SLC24A1: variants seen among roughly 807,000 people sequenced by gnomAD.
SLC24A1 encodes the protein sodium/potassium/calcium exchanger 1.
Under a neutral mutation model 88.1 loss-of-function variants are expected in SLC24A1, and 52 were observed. The ratio of observed to expected loss-of-function variants is 0.59; its 90% CI spans 0.47 to 0.74. The LOEUF is 0.74. SLC24A1 is among the 30% of genes least tolerant of loss of function. The pLI is 0.00. For synonymous variants in SLC24A1, 455 were observed against 498.0 expected (o/e 0.91, Z 1.15); for missense variants, 1,173 against 1,363.3 (o/e 0.86, Z 2.20).
At chr15:65,626,021 G>T (rs1160903345) in intron 2 of SLC24A1, 51 bp downstream of exon 2, 12 of 1,377,046 alleles carry the variant, frequency 8.7e-6, no homozygotes, top group Middle Eastern at 2.1e-4. Context: ...ATGAAAGGAT[G>T]TGGCGAAGCC....
At chr15:65,653,637 T>C (rs1393311102) in intron 9 of SLC24A1, among the ~76,000 whole-genome samples, 193 bp from the exon 10 acceptor site, 3 of 152,182 alleles carry the variant, frequency 2.0e-5, no homozygotes, top group Non-Finnish European at 2.9e-5. Flanking sequence ...TAGTTATTAA[T>C]GAGTCCTTGG....
chr15:65,640,522 C>T (rs1166842802), intron 4 of SLC24A1, among the ~76,000 whole-genome samples: 1 of 152,166 alleles, frequency 6.6e-6, no homozygotes, highest in Non-Finnish European at 1.5e-5. Context: ...GGTGCAGAAC[C>T]GGAACCCAGC....
chr15:65,656,655 A>G (rs1249570228), downstream of SLC24A1, among the ~76,000 whole-genome samples: 2 of 152,234 alleles, frequency 1.3e-5, no homozygotes, highest in Non-Finnish European at 2.9e-5. Flanking sequence ...CAGCCTGGAA[A>G]GTCTGAACTG....
rs35398714 is a variant in SLC24A1 at position 65,625,939 on chromosome 15, C to T, written c.1859C>T (p.Ala620Val). The change falls in exon 2 of 10, where the codon GCC (alanine) becomes GTC (valine). Residue 620 changes from alanine (A) to valine (V), a missense_variant. Physicochemically the swap from Ala to Val is moderately conservative, Grantham distance 64. Transcript: ENST00000261892. ...VKEQLSRRPV[A>V]KVMALEDLSK... Reference sequence around the variant, plus strand: ...GAGCAGCTCAGCAGGAGGCCAGTGGCCAAGGTCATGGCCTTAGAAGACCTC... The same window carrying T: ...GAGCAGCTCAGCAGGAGGCCAGTGGTCAAGGTCATGGCCTTAGAAGACCTC... The T allele has an allele frequency of 4.9e-4, 790 of 1,613,894 alleles. 4 individuals are homozygous for T. In the African/African-American group the frequency reaches 9.8e-3, roughly 20 times the overall value.
chr15:65,650,763 G>GA lies in SLC24A1; in HGVS notation c.2615dup (p.Glu873GlyfsTer22). ...AGAGGAGGAGGAAGAGCAGGAGGAA[G>GA]AGGAGGAGGAGGAAGAGCAGGAGGA... On this transcript the variant is annotated frameshift_variant, in exon 7 of 10. Coordinates refer to ENST00000261892, the MANE Select transcript of SLC24A1 (RefSeq NM_004727.3). LOFTEE classifies it high-confidence loss of function. The surrounding 1 kb of genome is among the most constrained non-coding windows in gnomAD (Gnocchi z 4.1). The GA allele has an allele frequency of 6.2e-7, 1 of 1,604,392 alleles. No individual in the cohort carries two copies. Among genetic ancestry groups the GA allele is most frequent in the Non-Finnish European group, 8.5e-7 (1 of 1,174,908 alleles).
Position 65,624,774 on chromosome 15 carries a change from C to A in SLC24A1, c.694C>A (p.Leu232Ile). The A allele has an allele frequency of 6.2e-7, 1 of 1,613,938 alleles. No homozygotes were observed. The highest frequency in any genetic ancestry group is 8.5e-7 in the Non-Finnish European group (1 of 1,179,850). ...TGACATTACAGCAACCTATAAAATACTCGAAACCAACTCTCTTAAGAGAAT... is the reference window on the plus strand; with the variant it reads ...TGACATTACAGCAACCTATAAAATAATCGAAACCAACTCTCTTAAGAGAAT... ...DSDITATYKI[L>I]ETNSLKRIME... Residue 232 changes from leucine (L) to isoleucine (I), a missense_variant, in exon 2 of 10, where the codon CTC (leucine) becomes ATC (isoleucine). Coordinates refer to ENST00000261892, the MANE Select transcript of SLC24A1 (RefSeq NM_004727.3).
intron 4 of SLC24A1, chr15:65,643,892 C>T (rs1032961700): frequency 6.5e-6 from 1 of 154,648 alleles, no homozygotes; most frequent in African/African-American, 2.4e-5. Context: ...TCAGCCGTCC[C>T]CCTGGAGCTA....
Position 65,654,923 on chromosome 15 carries a change from G to A in SLC24A1, c.*844G>A, listed in dbSNP as rs558062537. 11 of 1,104,994 alleles carry A rather than the reference G, an allele frequency of 1.0e-5. No homozygotes were observed. The African/African-American group carries it at 1.0e-4, about 10-fold the overall frequency. The allele number at this position is 1,104,994 out of a possible 1,614,324, so 68.4% of individuals were successfully genotyped here. On this transcript the variant is annotated 3_prime_UTR_variant, in exon 10 of 10. Transcript: ENST00000261892. ...TATACCAGTATTTTCTAGTTTAAAG[G>A]AGGACTACATTAACTCTTATTGTTG... is the stretch of plus-strand genomic sequence containing the variant.
chr15:65,625,473 G>C lies in SLC24A1; in HGVS notation c.1393G>C (p.Val465Leu), dbSNP rs774115812. The C allele has an allele frequency of 1.9e-6, 3 of 1,613,928 alleles. No homozygotes were observed. Among genetic ancestry groups the C allele is most frequent in the African/African-American group, 1.3e-5 (1 of 74,940 alleles). ...VVLHVFGMMY[V>L]FVALAIVCDE... ...CCTGCACGTTTTTGGCATGATGTATGTGTTTGTGGCCTTGGCCATTGTTTG... is the reference window on the plus strand; with the variant it reads ...CCTGCACGTTTTTGGCATGATGTATCTGTTTGTGGCCTTGGCCATTGTTTG... Residue 465 changes from valine to leucine, a missense_variant, in exon 2 of 10, where the codon GTG becomes CTG. Physicochemically the swap from Val to Leu is conservative, Grantham distance 32. Coordinates refer to ENST00000261892, the MANE Select transcript of SLC24A1 (RefSeq NM_004727.3).
Position 65,625,066 on chromosome 15 carries a change from C to T in SLC24A1, c.986C>T (p.Thr329Ile). 6.2e-7 allele frequency: 1 copy of T among 1,613,800 alleles called. No homozygotes were observed. Among genetic ancestry groups the T allele is most frequent in the Non-Finnish European group, 8.5e-7 (1 of 1,179,860 alleles). ...GGGCAGGTGACAATAAGCACCATGA[C>T]AGGCAGCAGCCCAGCAGAAACCAAA... ...SEGQVTISTM[T>I]GSSPAETKAF... Residue 329 changes from threonine to isoleucine, a missense_variant, in exon 2 of 10, where the codon ACA becomes ATA. Thr to Ile is a moderately conservative substitution (Grantham distance 89). Transcript: ENST00000261892.
At chr15:65,637,555 CATTT>C (rs2074983080) in intron 2 of SLC24A1, among the ~76,000 whole-genome samples, 1 of 152,212 alleles carries the variant, frequency 6.6e-6, no homozygotes, top group Non-Finnish European at 1.5e-5. Context: ...AGTTGATTTT[CATTT>C]ATTCATTCAT....
chr15:65,626,039 G>A, intron 2 of SLC24A1, 69 bp downstream of exon 2: 2 of 1,132,934 alleles, frequency 1.8e-6, no homozygotes, highest in Non-Finnish European at 2.7e-6. Context: ...GCCAGGACCT[G>A]AAGAGAAGGT....
intron 2 of SLC24A1, among the ~76,000 whole-genome samples, chr15:65,629,492 A>G (rs897357361): frequency 5.9e-5 from 9 of 152,236 alleles, no homozygotes; most frequent in South Asian, 2.1e-4. Context: ...CCAGTAAGGA[A>G]ATGGTAAATG....
Position 65,650,972 on chromosome 15 carries a change from T to C in SLC24A1, c.2793+30T>C. ...GTGTGCCCATCTGTATCTCAGACTC[T>C]TTATCCCCAGCAGGGCTGTGGGGTC... On this transcript the variant is annotated intron_variant, in intron 7 of 9. Transcript: ENST00000261892. The surrounding 1 kb of genome is among the most constrained non-coding windows in gnomAD (Gnocchi z 4.1). 1 of 1,593,228 alleles carries C rather than the reference T, an allele frequency of 6.3e-7. No homozygotes were observed. Among genetic ancestry groups the C allele is most frequent in the Non-Finnish European group, 8.6e-7 (1 of 1,161,090 alleles).
intron 2 of SLC24A1, among the ~76,000 whole-genome samples, chr15:65,612,777 C>T (rs2141366310): frequency 6.6e-6 from 1 of 152,308 alleles, no homozygotes; most frequent in South Asian, 2.1e-4. Context: ...GGCTCAGTTG[C>T]AGGGTCTGAT....
In SLC24A1 at chr15:65,644,532, C is replaced by G. The variant is rs929199449; in HGVS notation, c.2140+19C>G. On this transcript the variant is annotated intron_variant, in intron 5 of 9. Transcript: ENST00000261892. ...CCAGAAGGTGAGAGGATGGCCAGAC[C>G]AGTGGGTTTTCTCCTGCCCCCCTCT... 8 of 1,543,100 alleles carry G rather than the reference C, an allele frequency of 5.2e-6. No homozygotes were observed. The highest frequency in any genetic ancestry group is 1.9e-5 in the Admixed American group (1 of 51,814).
At chr15:65,639,320 C>T (rs949555920) in intron 3 of SLC24A1, among the ~76,000 whole-genome samples, 11 of 152,158 alleles carry the variant, frequency 7.2e-5, no homozygotes, top group Non-Finnish European at 1.0e-4. Context: ...CCCTTCATAA[C>T]GTGATATTCC....
At chr15:65,627,564 G>A (rs1196739685) in intron 2 of SLC24A1, among the ~76,000 whole-genome samples, 5 of 152,146 alleles carry the variant, frequency 3.3e-5, no homozygotes, top group East Asian at 3.8e-4. Context: ...AAGAAAGAGA[G>A]GCTTAGAGCA....
At position 65,654,632 on chromosome 15, in the gene SLC24A1, A is replaced by G; in HGVS notation, c.*553A>G. 7.9e-7 allele frequency: 1 copy of G among 1,263,934 alleles called. No homozygotes were observed. Among genetic ancestry groups the G allele is most frequent in the Non-Finnish European group, 1.0e-6 (1 of 980,680 alleles). The allele number at this position is 1,263,934 out of a possible 1,614,324, so 78.3% of individuals were successfully genotyped here. A position where few individuals can be genotyped will look rare whatever the true frequency, so the allele number is the denominator to read the frequency against. On this transcript the variant is annotated 3_prime_UTR_variant, in exon 10 of 10. Transcript: ENST00000261892. ...TCTAAGGATCCAAGGCTACAGAAAA[A>G]AAAGAAATATAACAGGAATTAATGA...
Sources: gnomAD v4.1 joint callset for allele counts (sites outside exome capture counted in the v4.1 genomes callset) on GRCh38, gnomAD v4.1.1 for gene constraint, Gnocchi (gnomAD v3.1) non-coding constraint, MANE v1.5 for transcripts, NCBI Gene and HGNC (gene_info 2026-07-23, HGNC 2026-07-21) for gene names.